Variants in ROCK2 observed in about 807,000 individuals in gnomAD.
ROCK2 encodes the protein Rho associated coiled-coil containing protein kinase 2.
Under a neutral mutation model 195.1 loss-of-function variants are expected in ROCK2, and 61 were observed. The observed-to-expected ratio is 0.31, with a 90% CI of 0.25 to 0.39. ROCK2 has a LOEUF of 0.39. ROCK2 is among the 10% of genes least tolerant of loss of function. The pLI is 1.00. For missense variants in ROCK2, 1,109 were observed against 1,637.4 expected (o/e 0.68, Z 5.57); for synonymous variants, 504 against 545.5 (o/e 0.92, Z 1.06).
At chr2:11,213,100 C>T (rs144972740) in intron 17 of ROCK2, among the ~76,000 whole-genome samples, 1 of 152,278 alleles carries the variant, frequency 6.6e-6, no homozygotes, top group Non-Finnish European at 1.5e-5. Context: ...ATTCCTCTTC[C>T]AAATATTTCT....
chr2:11,344,452 G>C lies in ROCK2; in HGVS notation c.-316C>G. The C allele has an allele frequency of 9.8e-7, 1 of 1,024,904 alleles. No individual in the cohort carries two copies. The highest frequency in any genetic ancestry group is 1.2e-6 in the Non-Finnish European group (1 of 856,388). The allele number at this position is 1,024,904 out of a possible 1,614,324, so 63.5% of individuals were successfully genotyped here. ...GAGTGCCCGCAGGAGTCCTCGGGCG[G>C]GAGCAGGGAAGTGGCGCCGCCACCG... On this transcript the variant is annotated 5_prime_UTR_variant, in exon 1 of 33. Transcript: ENST00000315872. The surrounding 1 kb of genome is among the most constrained non-coding windows in gnomAD (Gnocchi z 5.4).
intron 3 of ROCK2, among the ~76,000 whole-genome samples, chr2:11,277,296 C>G (rs1666858367): frequency 1.3e-5 from 2 of 152,202 alleles, no homozygotes; most frequent in South Asian, 4.1e-4. Flanking sequence ...TCCACCCATT[C>G]ACCCCTTCAC....
intron 5 of ROCK2, among the ~76,000 whole-genome samples, chr2:11,230,573 G>T (rs2148093613): frequency 6.6e-6 from 1 of 152,290 alleles, no homozygotes; most frequent in South Asian, 2.1e-4. Flanking sequence ...GAAATTTCAT[G>T]TGACAAGCTA....
At chr2:11,199,570 A>G (rs1034406467) in intron 23 of ROCK2, among the ~76,000 whole-genome samples, 2 of 151,950 alleles carry the variant, frequency 1.3e-5, no homozygotes, top group Non-Finnish European at 2.9e-5. Context: ...AGCTCAAGCA[A>G]TACTCCCACC....
chr2:11,262,974 C>T lies in ROCK2; in HGVS notation c.325-13176G>A, dbSNP rs553772461. Among the ~76,000 whole-genome samples, 5 of 152,054 alleles carry T rather than the reference C, an allele frequency of 3.3e-5. No homozygotes were observed. In the South Asian group the frequency reaches 1.0e-3, roughly 32 times the overall value. On this transcript the variant is annotated intron_variant, in intron 3 of 32. Coordinates refer to ENST00000315872, the MANE Select transcript of ROCK2 (RefSeq NM_004850.5). ...GCAGTTACTGTTTCTACCATAGATA[C>T]ACAAAAAAAATGTTCTCACATTTTC... is the stretch of plus-strand genomic sequence containing the variant.
intron 3 of ROCK2, among the ~76,000 whole-genome samples, chr2:11,277,278 C>T (rs780273828): frequency 2.6e-5 from 4 of 152,200 alleles, no homozygotes; most frequent in African/African-American, 2.4e-5. Flanking sequence ...CCCACAAATC[C>T]GCTGTGCTCC....
At chr2:11,308,285 G>C in intron 1 of ROCK2, 1 of 1,139,430 alleles carries the variant, frequency 8.8e-7, no homozygotes, top group Non-Finnish European at 1.3e-6. Context: ...ATTTAAATTG[G>C]AGAACCTGAA....
rs1664107847 is a variant in ROCK2, at chr2:11,207,857, T to G, written c.2418A>C (p.Thr806=). ...GTGTTTGCATCTTCAGGTCATTTTG[T>G]GTAAGGCAGCGCTTCTGAGTTTCTT... ...IEQETQKRCL[T]QNDLKMQTQQ... Residue 806 remains threonine, a synonymous_variant, in exon 20 of 33, where the codon ACA becomes ACC. Transcript: ENST00000315872. 3 of 1,607,868 alleles carry G rather than the reference T, an allele frequency of 1.9e-6. No homozygotes were observed. Among genetic ancestry groups the G allele is most frequent in the Non-Finnish European group, 2.6e-6 (3 of 1,176,436 alleles).
chr2:11,193,154 T>A (rs1334142501), intron 30 of ROCK2, among the ~76,000 whole-genome samples: 2 of 152,190 alleles, frequency 1.3e-5, no homozygotes, highest in East Asian at 1.9e-4. Context: ...AGCTTCATTT[T>A]AAAAGTCCTA....
chr2:11,246,109 AC>A (rs1665604691), intron 4 of ROCK2, among the ~76,000 whole-genome samples: 1 of 152,204 alleles, frequency 6.6e-6, no homozygotes, highest in Non-Finnish European at 1.5e-5. Flanking sequence ...AGCTGGTAAC[AC>A]ACCAGATAAC....
chr2:11,295,183 A>G (rs1483569226), intron 1 of ROCK2, among the ~76,000 whole-genome samples: 1 of 152,106 alleles, frequency 6.6e-6, no homozygotes, highest in Non-Finnish European at 1.5e-5. Flanking sequence ...ATACAATGTT[A>G]CCTGAAACTC....
chr2:11,226,894 G>C (rs1377931595), intron 6 of ROCK2, among the ~76,000 whole-genome samples: 1 of 120,776 alleles, frequency 8.3e-6, no homozygotes, highest in African/African-American at 3.2e-5. Context: ...CTGGGCAACA[G>C]AGCGAGACCC....
intron 1 of ROCK2, among the ~76,000 whole-genome samples, chr2:11,339,378 T>C (rs553079217): frequency 1.3e-5 from 2 of 151,986 alleles, no homozygotes; most frequent in South Asian, 2.1e-4. Flanking sequence ...AATAACATCA[T>C]GGGGAAAATT....
rs994298983 is a variant in ROCK2 at position 11,344,603 on chromosome 2, C to G, written c.-467G>C. 7.7e-5 allele frequency: 33 copies of G among 427,600 alleles called. No homozygotes were observed. The Admixed American group carries it at 1.3e-3, about 16-fold the overall frequency. 26.5% of individuals were successfully genotyped at this position (427,600 alleles called of 1,614,324 possible). A position where few individuals can be genotyped will look rare whatever the true frequency, so the allele number is the denominator to read the frequency against. On this transcript the variant is annotated 5_prime_UTR_variant, in exon 1 of 33. Coordinates refer to ENST00000315872, the MANE Select transcript of ROCK2 (RefSeq NM_004850.5). This position sits in a 1 kb window ranked among gnomAD's most constrained non-coding sequence, Gnocchi z 5.4. ...CCGCCTTGCAGTCCCTCAGCCAGCT[C>G]CCGGCGCACACACTCCCGCGCGGCC...
At chr2:11,208,501 C>G in intron 18 of ROCK2, 54 bp from the exon 19 acceptor site, 1 of 1,108,070 alleles carries the variant, frequency 9.0e-7, no homozygotes, top group South Asian at 2.5e-5. Flanking sequence ...AGAAGCATAT[C>G]ATAAATTTGT....
intron 3 of ROCK2, among the ~76,000 whole-genome samples, chr2:11,286,063 G>A (rs1034921211): frequency 4.7e-5 from 7 of 150,488 alleles, no homozygotes; most frequent in Admixed American, 1.3e-4. Flanking sequence ...ACAGGAATAC[G>A]AGATTAGGAA....
At chr2:11,254,783 G>A (rs1291989771) in intron 3 of ROCK2, among the ~76,000 whole-genome samples, 2 of 137,660 alleles carry the variant, frequency 1.5e-5, no homozygotes, top group African/African-American at 5.3e-5. Flanking sequence ...TAATTTCTTG[G>A]TCGTTCAGCT....
chr2:11,258,407 T>C (rs779357250), intron 3 of ROCK2, among the ~76,000 whole-genome samples: 1 of 151,556 alleles, frequency 6.6e-6, no homozygotes, highest in Non-Finnish European at 1.5e-5. Flanking sequence ...AAATCTCCTT[T>C]CAAGGCAGGA....
chr2:11,342,547 T>C (rs1423609712), intron 1 of ROCK2, among the ~76,000 whole-genome samples: 1 of 152,172 alleles, frequency 6.6e-6, no homozygotes, highest in Non-Finnish European at 1.5e-5. Flanking sequence ...TACTTGAGAT[T>C]TGCTGTACTA....
Sources: allele counts gnomAD v4.1 joint callset (sites outside exome capture counted in the v4.1 genomes callset), GRCh38; gene constraint gnomAD v4.1.1; non-coding constraint Gnocchi (gnomAD v3.1); transcripts MANE v1.5; gene names NCBI Gene and HGNC (gene_info 2026-07-23, HGNC 2026-07-21).